Variants in CAMTA1 observed in about 807,000 individuals in gnomAD.
The protein encoded by CAMTA1 is calmodulin binding transcription activator 1, also known as calmodulin-binding transcription activator 1.
CAMTA1 carries 27 observed loss-of-function variants against 170.9 expected under a neutral mutation model. The observed-to-expected ratio is 0.16, with a 90% CI of 0.12 to 0.22. The LOEUF (loss-of-function observed/expected upper bound fraction) is 0.22. CAMTA1 is among the 10% of genes least tolerant of loss of function. The pLI is 1.00. For missense variants in CAMTA1, 1,619 were observed against 2,217.2 expected (o/e 0.73, Z 5.42); for synonymous variants, 833 against 891.5 (o/e 0.93, Z 1.17).
Position 7,561,855 on chromosome 1 carries a change from G to A in CAMTA1, c.511-78545G>A, listed in dbSNP as rs577390596. Among the ~76,000 whole-genome samples, 3 of 152,244 alleles carry A rather than the reference G, an allele frequency of 2.0e-5. No individual in the cohort carries two copies. The highest frequency in any genetic ancestry group is 2.1e-4 in the South Asian group (1 of 4,822). ...AACGAACCCTCATCCCTGCCTGCACGCCGGCCTGGAGGAGGAAGCCATCCT... is the reference window on the plus strand; with the variant it reads ...AACGAACCCTCATCCCTGCCTGCACACCGGCCTGGAGGAGGAAGCCATCCT... On this transcript the variant is annotated intron_variant, in intron 6 of 22. Coordinates refer to ENST00000303635, the MANE Select transcript of CAMTA1 (RefSeq NM_015215.4). The surrounding 1 kb of genome is among the most constrained non-coding windows in gnomAD (Gnocchi z 5.3).
At chr1:7,548,235 T>C (rs922396258) in intron 6 of CAMTA1, among the ~76,000 whole-genome samples, 11 of 152,218 alleles carry the variant, frequency 7.2e-5, no homozygotes, top group Non-Finnish European at 1.0e-4. Flanking sequence ...TTCGACCCTC[T>C]GTGTTGGGCA....
chr1:7,481,839 G>A (rs1482537409), intron 6 of CAMTA1, among the ~76,000 whole-genome samples: 1 of 146,750 alleles, frequency 6.8e-6, no homozygotes, highest in Non-Finnish European at 1.5e-5. Context: ...TTTATACACT[G>A]TGAAACAATT....
At chr1:7,408,374 G>A (rs917074010) in intron 5 of CAMTA1, among the ~76,000 whole-genome samples, 3 of 152,216 alleles carry the variant, frequency 2.0e-5, no homozygotes, top group Non-Finnish European at 2.9e-5. Flanking sequence ...TGCGAGCAGC[G>A]GGGCTGGTGG....
chr1:7,235,820 C>T (rs951429427), intron 4 of CAMTA1, among the ~76,000 whole-genome samples: 1 of 151,980 alleles, frequency 6.6e-6, no homozygotes, highest in African/African-American at 2.4e-5. Context: ...ACCTCTTTTA[C>T]GATTTTCAAT....
intron 6 of CAMTA1, among the ~76,000 whole-genome samples, chr1:7,469,197 T>A (rs2093281226): frequency 1.3e-5 from 2 of 152,236 alleles, no homozygotes; most frequent in Non-Finnish European, 2.9e-5. Flanking sequence ...TCCCTGGCTC[T>A]GCCTCCCCTG....
intron 4 of CAMTA1, among the ~76,000 whole-genome samples, chr1:7,155,706 C>T (rs1419089369): frequency 2.0e-5 from 3 of 152,082 alleles, no homozygotes; most frequent in African/African-American, 7.2e-5. Flanking sequence ...GCTGGGATTA[C>T]TGGCGTGAGC....
At chr1:7,595,656 T>C in intron 6 of CAMTA1, among the ~76,000 whole-genome samples, 1 of 152,150 alleles carries the variant, frequency 6.6e-6, no homozygotes, top group Non-Finnish European at 1.5e-5. Context: ...ACCAGTGAGA[T>C]TGCCCCCATT....
In CAMTA1 at chr1:7,635,443, T is replaced by TA. The variant is rs2095703913; in HGVS notation, c.511-4951dup. 1.3e-5 allele frequency among the ~76,000 whole-genome samples: 2 copies of TA among 151,044 alleles called. No homozygotes were observed. The highest frequency in any genetic ancestry group is 6.6e-5 in the Admixed American group (1 of 15,136). On this transcript the variant is annotated intron_variant, in intron 6 of 22. Coordinates refer to ENST00000303635, the MANE Select transcript of CAMTA1 (RefSeq NM_015215.4). This position sits in a 1 kb window ranked among gnomAD's most constrained non-coding sequence, Gnocchi z 4.4. ...TAACACGGTGAAACCCCGTCTCTAC[T>TA]AAAAAATACAAAACAATTAGCGGGG...
chr1:6,803,214 T>C (rs923215762), intron 1 of CAMTA1, among the ~76,000 whole-genome samples: 2 of 152,218 alleles, frequency 1.3e-5, no homozygotes, highest in African/African-American at 4.8e-5. Flanking sequence ...CTTCCCCACT[T>C]TTCCCCTTGT....
intron 4 of CAMTA1, among the ~76,000 whole-genome samples, chr1:7,140,362 A>G (rs1352946229): frequency 1.3e-5 from 2 of 152,214 alleles, no homozygotes; most frequent in African/African-American, 4.8e-5. Context: ...TAATTTGCAC[A>G]TAACATTAAT....
At chr1:7,483,851 A>C (rs2093577044) in intron 6 of CAMTA1, among the ~76,000 whole-genome samples, 1 of 152,094 alleles carries the variant, frequency 6.6e-6, no homozygotes, top group Non-Finnish European at 1.5e-5. Flanking sequence ...TGGCTCCTGG[A>C]GTCGGCCAGC....
At chr1:7,335,565 T>C (rs1044823474) in intron 5 of CAMTA1, among the ~76,000 whole-genome samples, 2 of 152,074 alleles carry the variant, frequency 1.3e-5, no homozygotes, top group South Asian at 2.1e-4. Context: ...AAGATGGGTC[T>C]GCACCTGAGA....
intron 11 of CAMTA1, among the ~76,000 whole-genome samples, chr1:7,703,118 T>A (rs1227531748): frequency 6.6e-6 from 1 of 152,208 alleles, no homozygotes; most frequent in Non-Finnish European, 1.5e-5. Context: ...CACTGTGTAC[T>A]GCAACACCAA....
intron 4 of CAMTA1, among the ~76,000 whole-genome samples, chr1:7,110,940 C>T (rs990020670): frequency 2.6e-5 from 4 of 152,328 alleles, no homozygotes; most frequent in South Asian, 2.1e-4. Flanking sequence ...GTATGTTAGA[C>T]GTGTGACCCA....
chr1:7,409,186 G>A (rs2090520788), intron 5 of CAMTA1, among the ~76,000 whole-genome samples: 1 of 152,234 alleles, frequency 6.6e-6, no homozygotes, highest in Admixed American at 6.5e-5. Context: ...CTCAGGGCAT[G>A]CAGGCTGGAC....
In CAMTA1 at chr1:6,802,911, A is replaced by AT. The variant is rs1239227253; in HGVS notation, c.46-17265dup. Among the ~76,000 whole-genome samples the AT allele has an allele frequency of 3.3e-5, 5 of 152,226 alleles. No homozygotes were observed. In the South Asian group the frequency reaches 1.0e-3, roughly 32 times the overall value. ...AGGCATATGCCACAACGCCCGGCTGATTTTTATGTTTTTAGTAGAGACAGG... is the reference window on the plus strand; with the variant it reads ...AGGCATATGCCACAACGCCCGGCTGATTTTTTATGTTTTTAGTAGAGACAGG... On this transcript the variant is annotated intron_variant, in intron 1 of 22. Coordinates refer to ENST00000303635, the MANE Select transcript of CAMTA1 (RefSeq NM_015215.4).
chr1:7,283,532 A>G (rs1241358276), intron 5 of CAMTA1, among the ~76,000 whole-genome samples: 2 of 152,068 alleles, frequency 1.3e-5, no homozygotes, highest in Non-Finnish European at 2.9e-5. Flanking sequence ...GTGGATGTCA[A>G]ATGTTCACTA....
intron 5 of CAMTA1, among the ~76,000 whole-genome samples, chr1:7,449,896 G>A (rs556847902): frequency 1.3e-5 from 2 of 152,244 alleles, no homozygotes; most frequent in South Asian, 2.1e-4. Flanking sequence ...GCTCCATGCA[G>A]CCCCCAGGGG....
intron 3 of CAMTA1, among the ~76,000 whole-genome samples, chr1:6,973,558 G>C (rs1198016480): frequency 6.6e-6 from 1 of 152,166 alleles, no homozygotes; most frequent in Non-Finnish European, 1.5e-5. Context: ...CCACGTTTGG[G>C]CTTTTGTGAA....
Sources: gnomAD v4.1 joint callset for allele counts (sites outside exome capture counted in the v4.1 genomes callset) on GRCh38, gnomAD v4.1.1 for gene constraint, Gnocchi (gnomAD v3.1) non-coding constraint, MANE v1.5 for transcripts, NCBI Gene and HGNC (gene_info 2026-07-23, HGNC 2026-07-21) for gene names.